The following PGM3 variants were observed in gnomAD, a reference collection of about 807,000 sequenced individuals.
The protein encoded by PGM3 is phosphoacetylglucosamine mutase.
PGM3 carries 40 observed loss-of-function variants against 66.2 expected under a neutral mutation model. The ratio of observed to expected loss-of-function variants is 0.60; its 90% CI spans 0.47 to 0.79. The LOEUF (loss-of-function observed/expected upper bound fraction) is 0.79, where lower values mean the gene tolerates loss of function less well. PGM3 is among the 30% of genes least tolerant of loss of function. The pLI, the probability that PGM3 is intolerant of heterozygous loss-of-function variation, is 0.00. For missense variants in PGM3, 537 were observed against 643.4 expected, an observed-to-expected ratio of 0.83 and a Z score of 1.79; for synonymous variants, 191 against 224.2, an observed-to-expected ratio of 0.85 and a Z score of 1.32.
the PGM3 span, chr6:83,153,597 T>G: frequency 1.2e-6 from 2 of 1,604,114 alleles, no homozygotes; most frequent in Non-Finnish European, 8.5e-7. Flanking sequence ...TGCATTATGT[T>G]GTGCCCTACC....
the PGM3 span, chr6:83,152,363 C>G: frequency 6.7e-7 from 1 of 1,487,614 alleles, no homozygotes; most frequent in Non-Finnish European, 9.0e-7. Context: ...ACATTACTCT[C>G]TGAGGTAAAT....
In PGM3 at chr6:83,175,903, A is replaced by G. The variant is rs1583268401; in HGVS notation, c.1128+59T>C. On this transcript the variant is annotated intron_variant, in intron 9 of 12. Coordinates refer to ENST00000513973, the MANE Select transcript of PGM3 (RefSeq NM_015599.3). ...TTACCTATTATTACCTCCCAGATAT[A>G]GAAGTCTCATCATAAAGAAAAGTGC... 16 of 843,360 alleles carry G rather than the reference A, an allele frequency of 1.9e-5. No individual in the cohort carries two copies. In the East Asian group the frequency reaches 3.9e-4, roughly 20 times the overall value. 52.2% of individuals were successfully genotyped at this position (843,360 alleles called of 1,614,324 possible).
At chr6:83,175,249 T>C (rs897107796) in intron 9 of PGM3, among the ~76,000 whole-genome samples, 11 of 152,168 alleles carry the variant, frequency 7.2e-5, no homozygotes, top group Admixed American at 3.3e-4. Flanking sequence ...CCAAAAATAT[T>C]TACTCTCTAC....
intron 4 of PGM3, 23 bp from the exon 5 acceptor site, chr6:83,183,001 A>C (rs918314694): frequency 6.2e-7 from 1 of 1,603,754 alleles, no homozygotes; most frequent in Non-Finnish European, 8.5e-7. Context: ...TACAAAAAGC[A>C]ATTCACCGCA....
the PGM3 span, among the ~76,000 whole-genome samples, chr6:83,150,586 A>G: frequency 2.0e-5 from 3 of 152,326 alleles, no homozygotes; most frequent in Admixed American, 2.0e-4. Flanking sequence ...ACCTAATTAA[A>G]AAATAGATAT....
At chr6:83,153,901 A>G in the PGM3 span, 3 of 1,611,542 alleles carry the variant, frequency 1.9e-6, no homozygotes, top group Non-Finnish European at 2.5e-6. Context: ...TAGTGCACAT[A>G]ATGCCCCTAG....
chr6:83,179,048 C>T (rs933599385), intron 7 of PGM3, among the ~76,000 whole-genome samples: 5 of 152,142 alleles, frequency 3.3e-5, no homozygotes, highest in Admixed American at 1.3e-4. Flanking sequence ...CGGTGGCTCA[C>T]GCCTGTAATC....
chr6:83,154,818 G>A, the PGM3 span, among the ~76,000 whole-genome samples: 2 of 151,654 alleles, frequency 1.3e-5, no homozygotes, highest in African/African-American at 2.4e-5. Context: ...TTTAAAAAAC[G>A]TTTGAAAGTT....
chr6:83,150,892 C>T, the PGM3 span, among the ~76,000 whole-genome samples: 1 of 152,114 alleles, frequency 6.6e-6, no homozygotes, highest in Non-Finnish European at 1.5e-5. Flanking sequence ...AAAAAGTCAA[C>T]ATACCACTAT....
chr6:83,189,407 T>C (rs1788872948), intron 2 of PGM3, among the ~76,000 whole-genome samples: 1 of 152,228 alleles, frequency 6.6e-6, no homozygotes. Context: ...GAGAATCATT[T>C]TGAGAAGTGC....
At chr6:83,155,298 CA>C in the PGM3 span, among the ~76,000 whole-genome samples, 1,962 of 57,742 alleles carry the variant, frequency 0.034, 43 homozygotes, top group African/African-American at 0.1. Flanking sequence ...CCCAGCTCTA[CA>C]AAAAAAAAAA....
At chr6:83,150,596 T>C in the PGM3 span, among the ~76,000 whole-genome samples, 4 of 152,104 alleles carry the variant, frequency 2.6e-5, 1 homozygote, top group South Asian at 4.1e-4. Context: ...AAAATAGATA[T>C]TGATATGAAG....
At chr6:83,158,716 C>G, downstream of PGM3, 2 of 828,364 alleles carry the variant, frequency 2.4e-6, no homozygotes, top group Non-Finnish European at 3.8e-6. Context: ...TAGTCTTTTT[C>G]TGAATACTTA....
downstream of PGM3, among the ~76,000 whole-genome samples, chr6:83,162,278 TACAA>T (rs1485161845): frequency 2.0e-4 from 30 of 152,240 alleles, no homozygotes; most frequent in African/African-American, 6.3e-4. Context: ...AAGACAAAAT[TACAA>T]ACAAAAATAC....
rs148817553 is a variant in PGM3, at chr6:83,181,905, T to G, written c.618A>C (p.Arg206Ser). 1.3e-5 allele frequency: 21 copies of G among 1,603,174 alleles called. No homozygotes were observed. In the African/African-American group the frequency reaches 2.2e-4, roughly 16 times the overall value. ...KQASCSGDEY[R>S]SLKVDCANGI... ...CATTTGCACAGTCAACCTTAAGTGA[T>G]CTGTATTCATCTCCACTGCAAGAAG... is the stretch of plus-strand genomic sequence containing the variant. Residue 206 changes from arginine to serine, a missense_variant, in exon 6 of 13, where the codon AGA becomes AGC. By Grantham distance (110) the Arg-to-Ser change is moderately radical. Transcript: ENST00000513973.
intron 11 of PGM3, 179 bp from the exon 12 acceptor site, chr6:83,170,657 C>CTA: frequency 1.7e-6 from 1 of 571,674 alleles, no homozygotes; most frequent in South Asian, 2.6e-5. Context: ...TTTCTTCAGT[C>CTA]TATAAAGAAT....
chr6:83,193,698 G>T (rs897522410), upstream of PGM3: 1 of 152,524 alleles, frequency 6.6e-6, no homozygotes, highest in East Asian at 1.9e-4. Context: ...CCTCTCCGAC[G>T]TCGAGGTCAT....
intron 2 of PGM3, 33 bp from the exon 3 acceptor site, chr6:83,188,831 G>A (rs770626472): frequency 1.3e-6 from 2 of 1,575,124 alleles, no homozygotes; most frequent in Admixed American, 3.3e-5. Flanking sequence ...AGCAATCTGT[G>A]CATACTCATG....
In PGM3 at chr6:83,166,637, G is replaced by A. The variant is rs758245662; in HGVS notation, c.*2597C>T. ...TTAAGAATGTACTCCAATATAAAAC[G>A]GCAAATTTCAACAATGCAAAAACCG... On this transcript the variant is annotated 3_prime_UTR_variant, in exon 13 of 13. Transcript: ENST00000513973. 44 of 990,488 alleles carry A rather than the reference G, an allele frequency of 4.4e-5. No homozygotes were observed. The highest frequency in any genetic ancestry group is 5.4e-5 in the Non-Finnish European group (40 of 741,230). 61.4% of individuals were successfully genotyped at this position (990,488 alleles called of 1,614,324 possible).
Sources: allele counts gnomAD v4.1 joint callset (sites outside exome capture counted in the v4.1 genomes callset), GRCh38; gene constraint gnomAD v4.1.1; transcripts MANE v1.5; gene names NCBI Gene and HGNC (gene_info 2026-07-23, HGNC 2026-07-21).